NR6A1: variants seen among roughly 807,000 people sequenced by gnomAD.
The protein encoded by NR6A1 is retinoic acid receptor-related testis-associated receptor.
In NR6A1, 7 loss-of-function variants were observed where a neutral mutation model predicts 59.1. The ratio of observed to expected loss-of-function variants is 0.12; its 90% confidence interval spans 0.07 to 0.22. The LOEUF is 0.22. Ranked by LOEUF, NR6A1 falls within the 10% of genes least tolerant of loss-of-function variation. The probability of loss-of-function intolerance (pLI) is 1.00; values close to 1 mark genes in which losing one functional copy is unlikely to be tolerated. For missense variants in NR6A1, 468 were observed against 611.6 expected, an observed-to-expected ratio of 0.77 and a Z score of 2.48; for synonymous variants, 243 against 236.1, an observed-to-expected ratio of 1.03 and a Z score of -0.27.
At chr9:124,661,065 A>T (rs116175033) in intron 2 of NR6A1, among the ~76,000 whole-genome samples, 1,568 of 152,270 alleles carry the variant, frequency 0.01, 26 homozygotes, top group African/African-American at 0.036. Flanking sequence ...GTTTCTTTAG[A>T]ATATATATAC....
chr9:124,678,324 G>A (rs929289813), intron 2 of NR6A1, among the ~76,000 whole-genome samples: 1 of 152,154 alleles, frequency 6.6e-6, no homozygotes, highest in African/African-American at 2.4e-5. Context: ...AACGTCCTAA[G>A]TCTGAATAAT....
intron 2 of NR6A1, among the ~76,000 whole-genome samples, chr9:124,706,808 G>A (rs931008750): frequency 1.3e-5 from 2 of 152,100 alleles, no homozygotes; most frequent in East Asian, 1.9e-4. Context: ...GAGCCACCTC[G>A]CCCGGCCAAC....
chr9:124,699,920 G>A (rs1022790017), intron 2 of NR6A1, among the ~76,000 whole-genome samples: 1 of 152,146 alleles, frequency 6.6e-6, no homozygotes, highest in Admixed American at 6.5e-5. Flanking sequence ...GCAGTGGTAT[G>A]ATCTCAGCTC....
At chr9:124,755,613 TC>T (rs1840613207) in intron 1 of NR6A1, among the ~76,000 whole-genome samples, 1 of 152,166 alleles carries the variant, frequency 6.6e-6, no homozygotes, top group African/African-American at 2.4e-5. Flanking sequence ...AATGTCAAGG[TC>T]CTTTCTATCA....
At chr9:124,569,399 C>G (rs779660563) in intron 2 of NR6A1, among the ~76,000 whole-genome samples, 3 of 152,210 alleles carry the variant, frequency 2.0e-5, no homozygotes, top group African/African-American at 7.2e-5. Flanking sequence ...TTACCCATTC[C>G]AAGGGCTCAG....
At chr9:124,526,044 A>C (rs1277900939) in intron 8 of NR6A1, among the ~76,000 whole-genome samples, 1 of 152,146 alleles carries the variant, frequency 6.6e-6, no homozygotes, top group Non-Finnish European at 1.5e-5. Context: ...AGAGGAGAGG[A>C]GCTCTGGACT....
rs574059840 is a variant in NR6A1, at chr9:124,544,478, G to A, written c.386-621C>T. On this transcript the variant is annotated intron_variant, in intron 3 of 9. Coordinates refer to ENST00000487099, the MANE Select transcript of NR6A1 (RefSeq NM_033334.4). ...TCACTCTTTATGGAACACTTAATAC[G>A]GGGGGCATAGAGAAGAACCCCTGAT... 1.3e-3 allele frequency among the ~76,000 whole-genome samples: 192 copies of A among 152,044 alleles called. 1 individual carries two copies. Among genetic ancestry groups the A allele is most frequent in the Non-Finnish European group, 2.2e-3 (149 of 67,996 alleles).
intron 2 of NR6A1, among the ~76,000 whole-genome samples, chr9:124,564,186 T>C (rs998421877): frequency 9.9e-5 from 15 of 152,222 alleles, no homozygotes; most frequent in African/African-American, 2.9e-4. Flanking sequence ...ATAAAACTTT[T>C]AGCAAACTAG....
chr9:124,732,544 C>T (rs922966953), intron 2 of NR6A1, among the ~76,000 whole-genome samples: 19 of 151,940 alleles, frequency 1.3e-4, no homozygotes, highest in African/African-American at 4.4e-4. Flanking sequence ...ACCATAAGAC[C>T]GTAAATGAAA....
chr9:124,724,878 G>A (rs1420034725), intron 2 of NR6A1, among the ~76,000 whole-genome samples: 1 of 152,158 alleles, frequency 6.6e-6, no homozygotes, highest in Non-Finnish European at 1.5e-5. Flanking sequence ...AGCCTAGAAA[G>A]CTGACAGCCT....
intron 1 of NR6A1, 114 bp downstream of exon 1, chr9:124,770,906 G>A (rs925775202): frequency 1.3e-5 from 7 of 556,328 alleles, no homozygotes; most frequent in South Asian, 1.9e-4. Flanking sequence ...CTAAGGGGCC[G>A]CGGGGCCGCT....
chr9:124,524,173 G>T (rs954591621), intron 9 of NR6A1, among the ~76,000 whole-genome samples: 2 of 151,870 alleles, frequency 1.3e-5, no homozygotes, highest in Non-Finnish European at 2.9e-5. Flanking sequence ...GCCCAGGCTG[G>T]TCTTAACTCC....
chr9:124,714,487 T>A (rs917866785), intron 2 of NR6A1, among the ~76,000 whole-genome samples: 21 of 152,198 alleles, frequency 1.4e-4, no homozygotes, highest in African/African-American at 5.1e-4. Flanking sequence ...CCCCTAAGAT[T>A]AAGAACAAGG....
At chr9:124,623,959 G>A (rs1588717431) in intron 2 of NR6A1, among the ~76,000 whole-genome samples, 1 of 152,130 alleles carries the variant, frequency 6.6e-6, no homozygotes, top group Admixed American at 6.5e-5. Context: ...TGTTTTACAT[G>A]TATCACCTCA....
chr9:124,681,338 CTTT>C (rs779847656), intron 2 of NR6A1, among the ~76,000 whole-genome samples: 2 of 110,778 alleles, frequency 1.8e-5, no homozygotes, highest in African/African-American at 3.4e-5. Context: ...AACATTTGAG[CTTT>C]TTTTTTTTTT....
At chr9:124,702,321 T>C (rs547262501) in intron 2 of NR6A1, among the ~76,000 whole-genome samples, 1 of 152,326 alleles carries the variant, frequency 6.6e-6, no homozygotes, top group East Asian at 1.9e-4. Flanking sequence ...TTTTGGCATG[T>C]AGATATCCAC....
chr9:124,537,033 C>T (rs1365263212), intron 6 of NR6A1, among the ~76,000 whole-genome samples: 1 of 152,144 alleles, frequency 6.6e-6, no homozygotes, highest in Non-Finnish European at 1.5e-5. Flanking sequence ...CTCTCAAGGC[C>T]CCTTGCCAAG....
chr9:124,538,088 T>A lies in NR6A1; in HGVS notation c.824+4A>T, dbSNP rs1278309934. On this transcript the variant is annotated splice_donor_region_variant and intron_variant, in intron 6 of 9. Transcript: ENST00000487099. ...AGGGGCCAAGAAGGGCGGAGCTCACTCACCCATCTTCAATCAACATGGGCG... is the reference window on the plus strand; with the variant it reads ...AGGGGCCAAGAAGGGCGGAGCTCACACACCCATCTTCAATCAACATGGGCG... 1.9e-6 allele frequency: 3 copies of A among 1,600,592 alleles called. No individual in the cohort carries two copies. In the East Asian group the frequency reaches 6.7e-5, roughly 36 times the overall value.
intron 2 of NR6A1, among the ~76,000 whole-genome samples, chr9:124,637,223 A>G (rs1836635076): frequency 1.3e-5 from 2 of 152,236 alleles, no homozygotes; most frequent in African/African-American, 4.8e-5. Context: ...AAGACATGGT[A>G]GCATAAAAGC....
Sources: allele counts gnomAD v4.1 joint callset (sites outside exome capture counted in the v4.1 genomes callset), GRCh38; gene constraint gnomAD v4.1.1; transcripts MANE v1.5; gene names NCBI Gene and HGNC (gene_info 2026-07-23, HGNC 2026-07-21).